Variants in RTCB observed in about 807,000 individuals in gnomAD.
RTCB encodes the protein RNA-splicing ligase RTCB.
A neutral mutation model predicts 58.2 loss-of-function variants in RTCB; 32 were observed. The ratio of observed to expected loss-of-function variants is 0.55; its 90% CI spans 0.41 to 0.74. The LOEUF (loss-of-function observed/expected upper bound fraction) is 0.74. RTCB is among the 30% of genes least tolerant of loss of function. RTCB has a pLI of 0.00. For missense variants in RTCB, 523 were observed against 639.0 expected (o/e 0.82, Z 1.96); for synonymous variants, 247 against 218.6 (o/e 1.13, Z -1.15).
At chr22:32,395,906 A>G (rs547018092) in intron 8 of RTCB, among the ~76,000 whole-genome samples, 168 bp downstream of exon 8, 106 of 150,234 alleles carry the variant, frequency 7.1e-4, no homozygotes, top group Non-Finnish European at 1.1e-3. Context: ...TCACCGTGTT[A>G]GCCAGGATGG....
intron 4 of RTCB, 31 bp from the exon 5 acceptor site, chr22:32,401,934 G>T (rs773717146): frequency 6.2e-6 from 10 of 1,609,408 alleles, no homozygotes; most frequent in Non-Finnish European, 7.6e-6. Context: ...AGCAAAACCA[G>T]CTGGTAAGGC....
chr22:32,398,171 A>G, intron 6 of RTCB, 71 bp from the exon 7 acceptor site: 1 of 1,516,692 alleles, frequency 6.6e-7, no homozygotes, highest in Non-Finnish European at 9.0e-7. Context: ...TAAAAACCAA[A>G]AAGATAAAAA....
At chr22:32,406,514 G>A (rs964990657) in intron 4 of RTCB, 148 bp downstream of exon 4, 1 of 495,350 alleles carries the variant, frequency 2.0e-6, no homozygotes, top group Non-Finnish European at 3.7e-6. Flanking sequence ...ATAGAGACAC[G>A]GTTTCACCAT....
chr22:32,392,414 C>T, intron 10 of RTCB, 55 bp from the exon 11 acceptor site: 1 of 1,610,588 alleles, frequency 6.2e-7, no homozygotes, highest in Non-Finnish European at 8.5e-7. Context: ...TAAGCCCTTT[C>T]CCTGATTTTC....
In RTCB at chr22:32,398,202, CA is replaced by C. The variant is rs1569441475; in HGVS notation, c.655-103del. On this transcript the variant is annotated intron_variant, in intron 6 of 11. Transcript: ENST00000216038. ...AAAAACAAACTAACAACAAAATAAACATACAAATAGTGTTTCAGTAACAAAA... is the reference window on the plus strand; with the variant it reads ...AAAAACAAACTAACAACAAAATAAACTACAAATAGTGTTTCAGTAACAAAA... 4.6e-6 allele frequency: 6 copies of C among 1,313,630 alleles called. 1 individual carries two copies. Among genetic ancestry groups the C allele is most frequent in the Middle Eastern group, 4.2e-4 (2 of 4,800 alleles). 81.4% of individuals were successfully genotyped at this position (1,313,630 alleles called of 1,614,324 possible).
At chr22:32,406,817 C>T in intron 3 of RTCB, 56 bp from the exon 4 acceptor site, 1 of 1,154,306 alleles carries the variant, frequency 8.7e-7, no homozygotes, top group Non-Finnish European at 1.3e-6. Flanking sequence ...CCCTGGATGC[C>T]CTGATGGACC....
intron 2 of RTCB, 83 bp from the exon 3 acceptor site, chr22:32,408,325 C>T (rs1601432058): frequency 8.4e-7 from 1 of 1,197,336 alleles, no homozygotes; most frequent in East Asian, 2.4e-5. Flanking sequence ...GACTGTATAA[C>T]GTGAAGAGGT....
intron 9 of RTCB, 127 bp downstream of exon 9, chr22:32,394,899 C>T: frequency 1.3e-6 from 1 of 791,024 alleles, no homozygotes. Flanking sequence ...TTGGGAATCA[C>T]TGTTCTCATG....
intron 6 of RTCB, 122 bp from the exon 7 acceptor site, chr22:32,398,222 A>C: frequency 9.0e-7 from 1 of 1,113,958 alleles, no homozygotes; most frequent in Non-Finnish European, 1.3e-6. Context: ...GTGTTTCAGT[A>C]ACAAAAAAAT....
At chr22:32,393,866 T>C in intron 10 of RTCB, 26 bp downstream of exon 10, 1 of 1,482,056 alleles carries the variant, frequency 6.7e-7, no homozygotes, top group African/African-American at 1.4e-5. Flanking sequence ...AGAGAGCATT[T>C]CTAAGGAAGT....
intron 11 of RTCB, 54 bp from the exon 12 acceptor site, chr22:32,388,153 C>T (rs1426189094): frequency 9.2e-7 from 1 of 1,091,166 alleles, no homozygotes; most frequent in Admixed American, 1.8e-5. Flanking sequence ...ACAGTCTTTA[C>T]AAGCACCAAA....
At position 32,388,017 on chromosome 22, in the gene RTCB, C is replaced by A; in HGVS notation, c.1493G>T (p.Arg498Ile). ...CTATCCTTTGATCACAGCAATTGGT[C>A]TCAGTTTAATGGCTTTCTTGCTGAT... ...AGISKKAIKL[R>I]PIAVIKG Residue 498 changes from arginine to isoleucine, a missense_variant, in exon 12 of 12, where the codon AGA becomes ATA. Around this residue, in one of 3 missense-constraint regions of RTCB, gnomAD observed 248 missense variants for 292.5 expected, o/e 0.85. Transcript: ENST00000216038. 1 of 1,613,710 alleles carries A rather than the reference C, an allele frequency of 6.2e-7. No homozygotes were observed. Among genetic ancestry groups the A allele is most frequent in the Non-Finnish European group, 8.5e-7 (1 of 1,179,626 alleles).
rs570261777 is a variant in RTCB, at chr22:32,407,601, C to A, written c.240+574G>T. ...GAAGTGAAACTTACAATGAAACTTACAATGGTGGTGCACTGATCCAGGAAT... is the reference window on the plus strand; with the variant it reads ...GAAGTGAAACTTACAATGAAACTTAAAATGGTGGTGCACTGATCCAGGAAT... On this transcript the variant is annotated intron_variant, in intron 3 of 11. Transcript: ENST00000216038. 6 of 152,384 alleles carry A rather than the reference C, an allele frequency of 3.9e-5. No individual in the cohort carries two copies. The East Asian group carries it at 9.6e-4, about 24-fold the overall frequency. The allele number at this position is 152,384 out of a possible 1,614,324, so 9.4% of individuals were successfully genotyped here. A position where few individuals can be genotyped will look rare whatever the true frequency, so the allele number is the denominator to read the frequency against.
At chr22:32,398,577 A>G (rs1933283876) in intron 6 of RTCB, among the ~76,000 whole-genome samples, 1 of 152,222 alleles carries the variant, frequency 6.6e-6, no homozygotes, top group Non-Finnish European at 1.5e-5. Context: ...CCTATGTCAC[A>G]AACCAGCACA....
chr22:32,404,666 CAA>C (rs969531127), intron 4 of RTCB, among the ~76,000 whole-genome samples: 1 of 152,080 alleles, frequency 6.6e-6, no homozygotes, highest in Non-Finnish European at 1.5e-5. Context: ...TTTGGCCTCC[CAA>C]AGTTTTTCTA....
intron 11 of RTCB, among the ~76,000 whole-genome samples, chr22:32,391,523 G>A (rs1210753536): frequency 3.3e-5 from 5 of 151,636 alleles, no homozygotes; most frequent in Admixed American, 3.3e-4. Flanking sequence ...GGCCTCCTGA[G>A]TAGCTGCGAT....
At chr22:32,392,433 T>C in intron 10 of RTCB, 74 bp from the exon 11 acceptor site, 2 of 1,585,726 alleles carry the variant, frequency 1.3e-6, no homozygotes, top group Non-Finnish European at 8.7e-7. Flanking sequence ...TCTCTCACAC[T>C]AAAAAGGAGC....
intron 1 of RTCB, among the ~76,000 whole-genome samples, chr22:32,409,038 T>C (rs1359864856): frequency 6.6e-6 from 1 of 152,216 alleles, no homozygotes; most frequent in Non-Finnish European, 1.5e-5. Flanking sequence ...TTCTGCAATG[T>C]TCACAAATTG....
chr22:32,393,745 C>T lies in RTCB; in HGVS notation c.1290+147G>A, dbSNP rs1601424700. ...CCCAGTCAGTTCACTAAATAGTATA[C>T]ATTATGGGGAACAATTTGAAGTACA... On this transcript the variant is annotated intron_variant, in intron 10 of 11. Transcript: ENST00000216038. 1.6e-5 allele frequency: 10 copies of T among 625,814 alleles called. No homozygotes were observed. In the East Asian group the frequency reaches 2.8e-4, roughly 17 times the overall value. 38.8% of individuals were successfully genotyped at this position (625,814 alleles called of 1,614,324 possible). A position where few individuals can be genotyped will look rare whatever the true frequency, so the allele number is the denominator to read the frequency against.
Sources: gnomAD v4.1 joint callset for allele counts (sites outside exome capture counted in the v4.1 genomes callset) on GRCh38, gnomAD v4.1.1 for gene constraint, gnomAD v4.1.1 regional missense constraint, MANE v1.5 for transcripts, NCBI Gene and HGNC (gene_info 2026-07-23, HGNC 2026-07-21) for gene names.